Variants in IL1RAPL1 observed in about 807,000 individuals in gnomAD.
IL1RAPL1 encodes the protein interleukin-1 receptor accessory protein-like 1.
A neutral mutation model predicts 48.4 loss-of-function variants in IL1RAPL1; 3 were observed. That is an observed-to-expected ratio of 0.06 (90% CI 0.03 to 0.16). The LOEUF is 0.16. IL1RAPL1 is among the 10% of genes least tolerant of loss of function. The pLI is 1.00. For missense variants in IL1RAPL1, 349 were observed against 530.6 expected, an observed-to-expected ratio of 0.66 and a Z score of 3.36; for synonymous variants, 185 against 187.7, an observed-to-expected ratio of 0.99 and a Z score of 0.12.
chrX:28,982,050 C>T (rs1163410217), intron 2 of IL1RAPL1, among the ~76,000 whole-genome samples: 3 of 111,446 alleles, frequency 2.7e-5, no homozygotes, highest in African/African-American at 6.5e-5. Flanking sequence ...AGCAGATATC[C>T]CTCCAATTTG....
At chrX:29,527,356 T>TTTTTTTTG in intron 5 of IL1RAPL1, among the ~76,000 whole-genome samples, 1 of 92,475 alleles carries the variant, frequency 1.1e-5, no homozygotes, top group Non-Finnish European at 2.1e-5. Context: ...TTTTTTTTTT[T>TTTTTTTTG]GAGACGGAGT....
At chrX:29,564,320 G>A (rs1922331483) in intron 5 of IL1RAPL1, among the ~76,000 whole-genome samples, 1 of 112,470 alleles carries the variant, frequency 8.9e-6, no homozygotes, top group African/African-American at 3.2e-5. Context: ...AGATTGAGTA[G>A]AAGGAATATG....
chrX:29,096,401 G>T (rs1928215966), intron 2 of IL1RAPL1, among the ~76,000 whole-genome samples: 1 of 111,615 alleles, frequency 9.0e-6, no homozygotes, highest in East Asian at 2.8e-4. Flanking sequence ...TTATAAAAAT[G>T]CTTACTCGTA....
chrX:28,924,968 C>T (rs1286217695), intron 2 of IL1RAPL1, among the ~76,000 whole-genome samples: 1 of 111,837 alleles, frequency 8.9e-6, no homozygotes, highest in Non-Finnish European at 1.9e-5. Flanking sequence ...CCACAGTTTA[C>T]ACCTGCCATT....
chrX:28,792,328 A>G (rs1936547224), intron 2 of IL1RAPL1, among the ~76,000 whole-genome samples: 1 of 111,474 alleles, frequency 9.0e-6, no homozygotes, highest in Non-Finnish European at 1.9e-5. Flanking sequence ...TAGAGTGTTT[A>G]CTTTAGATTA....
intron 6 of IL1RAPL1, among the ~76,000 whole-genome samples, chrX:29,887,709 A>G (rs1037997274): frequency 1.8e-5 from 2 of 110,688 alleles, no homozygotes; most frequent in African/African-American, 6.6e-5. Flanking sequence ...ATTTCTAAGC[A>G]TACACACGCT....
At chrX:29,641,497 C>T (rs762373133) in intron 5 of IL1RAPL1, among the ~76,000 whole-genome samples, 1 of 112,471 alleles carries the variant, frequency 8.9e-6, no homozygotes, top group African/African-American at 3.2e-5. Context: ...AAGGCCATAT[C>T]TCCTTGTCAG....
rs778163230 is a variant in IL1RAPL1 at position 28,714,806 on chromosome X, G to T, written c.-24-74514G>T. ...TGGCTGAGCTTTTCTGGAAAGAAGA[G>T]GACATTTTTCAAATGTGCCTTGTAT... On this transcript the variant is annotated intron_variant, in intron 1 of 10. Coordinates refer to ENST00000378993, the MANE Select transcript of IL1RAPL1 (RefSeq NM_014271.4). Among the ~76,000 whole-genome samples the T allele has an allele frequency of 1.3e-3, 142 of 111,988 alleles. 1 individual carries two copies. Among genetic ancestry groups the T allele is most frequent in the Middle Eastern group, 9.3e-3 (2 of 215 alleles).
intron 2 of IL1RAPL1, among the ~76,000 whole-genome samples, chrX:29,181,087 A>G (rs750259877): frequency 8.9e-6 from 1 of 111,842 alleles, no homozygotes; most frequent in Admixed American, 9.5e-5. Context: ...TCCCAAAGAA[A>G]GAGTTTAAGG....
chrX:29,094,188 G>T (rs970903098), intron 2 of IL1RAPL1, among the ~76,000 whole-genome samples: 2 of 111,144 alleles, frequency 1.8e-5, no homozygotes, highest in African/African-American at 6.5e-5. Context: ...GATCACTGAC[G>T]ATTAAAACCA....
intron 5 of IL1RAPL1, among the ~76,000 whole-genome samples, chrX:29,616,404 G>T (rs1382099235): frequency 9.3e-6 from 1 of 107,897 alleles, no homozygotes. Context: ...ATGTATACAT[G>T]TGCCGTGTTC....
chrX:28,690,156 A>G lies in IL1RAPL1; in HGVS notation c.-24-99164A>G, dbSNP rs745977017. 3.6e-5 allele frequency among the ~76,000 whole-genome samples: 4 copies of G among 111,437 alleles called. No individual in the cohort carries two copies. In the South Asian group the frequency reaches 1.5e-3, roughly 42 times the overall value. On this transcript the variant is annotated intron_variant, in intron 1 of 10. Coordinates refer to ENST00000378993, the MANE Select transcript of IL1RAPL1 (RefSeq NM_014271.4). ...TTAGATTATTTCATCTCCTTCTTTC[A>G]GCCTTGGGCAGTATCTCTAGCAGCA...
intron 5 of IL1RAPL1, among the ~76,000 whole-genome samples, chrX:29,657,285 G>C (rs1004782308): frequency 9.0e-6 from 1 of 111,691 alleles, no homozygotes; most frequent in Non-Finnish European, 1.9e-5. Flanking sequence ...TAATTCTTGC[G>C]TTTGTCTTTC....
chrX:29,937,380 T>G (rs1353678652), intron 8 of IL1RAPL1, among the ~76,000 whole-genome samples: 2 of 112,159 alleles, frequency 1.8e-5, no homozygotes, highest in African/African-American at 6.5e-5. Context: ...CCATTTACAT[T>G]GTAATGTAAA....
intron 2 of IL1RAPL1, among the ~76,000 whole-genome samples, chrX:29,027,349 C>T (rs367646367): frequency 7.2e-5 from 8 of 111,790 alleles, no homozygotes; most frequent in African/African-American, 2.6e-4. Flanking sequence ...TATGTTTTTT[C>T]CACGTCTTTT....
At chrX:29,143,941 T>A (rs990105882) in intron 2 of IL1RAPL1, among the ~76,000 whole-genome samples, 1 of 111,917 alleles carries the variant, frequency 8.9e-6, no homozygotes, top group Admixed American at 9.5e-5. Flanking sequence ...TATTGAGTCA[T>A]GCTTGGAGCT....
At chrX:28,672,053 A>G (rs780929837) in intron 1 of IL1RAPL1, among the ~76,000 whole-genome samples, 142 of 112,421 alleles carry the variant, frequency 1.3e-3, no homozygotes, top group African/African-American at 4.4e-3. Flanking sequence ...CTACAGGCTT[A>G]AATATCAACA....
intron 6 of IL1RAPL1, among the ~76,000 whole-genome samples, chrX:29,761,796 AGTTTT>A (rs1334559456): frequency 9.3e-6 from 1 of 107,988 alleles, no homozygotes; most frequent in Non-Finnish European, 1.9e-5. Context: ...ACTGATTGTT[AGTTTT>A]ATCTAGTTCA....
intron 2 of IL1RAPL1, among the ~76,000 whole-genome samples, chrX:29,019,905 A>T (rs777232073): frequency 2.7e-5 from 3 of 112,337 alleles, no homozygotes; most frequent in Non-Finnish European, 5.6e-5. Flanking sequence ...GACATATTCC[A>T]TAGGGAATTT....
Sources: allele counts gnomAD v4.1 joint callset (sites outside exome capture counted in the v4.1 genomes callset), GRCh38; gene constraint gnomAD v4.1.1; transcripts MANE v1.5; gene names NCBI Gene and HGNC (gene_info 2026-07-23, HGNC 2026-07-21).